Variants in GFM1 observed in about 807,000 individuals in gnomAD.
GFM1 encodes the protein elongation factor G, mitochondrial.
In GFM1, 62 loss-of-function variants were observed where a neutral mutation model predicts 96.2. The observed-to-expected ratio is 0.64, with a 90% CI of 0.53 to 0.80. The LOEUF is 0.80. GFM1 is among the 30% of genes least tolerant of loss of function. GFM1 has a pLI of 0.00. For synonymous variants in GFM1, 282 were observed against 312.9 expected, an observed-to-expected ratio of 0.90 and a Z score of 1.04; for missense variants, 852 against 916.6, an observed-to-expected ratio of 0.93 and a Z score of 0.91.
intron 13 of GFM1, among the ~76,000 whole-genome samples, chr3:158,667,887 G>A (rs1041242338): frequency 6.6e-6 from 1 of 152,124 alleles, no homozygotes; most frequent in Non-Finnish European, 1.5e-5. Context: ...TTTCTGTACT[G>A]TACAGTAGAG....
chr3:158,682,048 T>G lies in GFM1; in HGVS notation c.1655T>G (p.Val552Gly), dbSNP rs1198803944. ...QSGGAGQYGK[V>G]IGVLEPLDPE... ...GGTGGTGCAGGCCAGTATGGAAAAG[T>G]AATAGGTGTCCTGGAGCCTCTGGAC... Residue 552 changes from valine (V) to glycine (G), a missense_variant, in exon 14 of 18, where the codon GTA (valine) becomes GGA (glycine). Coordinates refer to ENST00000486715, the MANE Select transcript of GFM1 (RefSeq NM_024996.7). 34 of 1,613,704 alleles carry G rather than the reference T, an allele frequency of 2.1e-5. No individual in the cohort carries two copies. Among genetic ancestry groups the G allele is most frequent in the Non-Finnish European group, 2.6e-5 (31 of 1,179,754 alleles).
chr3:158,684,788 T>A, intron 15 of GFM1, 120 bp downstream of exon 15: 2 of 1,018,346 alleles, frequency 2.0e-6, no homozygotes, highest in Non-Finnish European at 3.0e-6. Flanking sequence ...GGGAATATTG[T>A]AGGTAGTGGG....
At position 158,692,944 on chromosome 3, in the gene GFM1, C is replaced by T. The variant is rs557401833; in HGVS notation, c.*1477C>T. Among the ~76,000 whole-genome samples the T allele has an allele frequency of 6.6e-6, 1 of 152,254 alleles. No individual in the cohort carries two copies. Among genetic ancestry groups the T allele is most frequent in the East Asian group, 1.9e-4 (1 of 5,176 alleles). ...CTGGGCTCAAGCTCTCTGCCTGCCC[C>T]AGCCTCCCAAAGTGCTGGGATTATG... On this transcript the variant is annotated 3_prime_UTR_variant, in exon 18 of 18. Coordinates refer to ENST00000486715, the MANE Select transcript of GFM1 (RefSeq NM_024996.7).
chr3:158,694,476 T>TGGGTA lies in GFM1; in HGVS notation c.*3010_*3014dup, dbSNP rs1339681029. On this transcript the variant is annotated 3_prime_UTR_variant, in exon 18 of 18. Coordinates refer to ENST00000486715, the MANE Select transcript of GFM1 (RefSeq NM_024996.7). ...GGAGAGGATCAGGAAAAATAACTAA[T>TGGGTA]GGGTACTAGGCTTAATACCTTGATG... Among the ~76,000 whole-genome samples the TGGGTA allele has an allele frequency of 2.0e-5, 3 of 152,142 alleles. No homozygotes were observed. Among genetic ancestry groups the TGGGTA allele is most frequent in the Non-Finnish European group, 2.9e-5 (2 of 68,032 alleles).
At chr3:158,659,296 C>T (rs1723008344) in intron 9 of GFM1, among the ~76,000 whole-genome samples, 1 of 151,750 alleles carries the variant, frequency 6.6e-6, no homozygotes, top group Non-Finnish European at 1.5e-5. Flanking sequence ...TCTCAAGGGC[C>T]AAGGTTAAGG....
At position 158,684,471 on chromosome 3, in the gene GFM1, G is replaced by T. The variant is rs780409650; in HGVS notation, c.1765-53G>T. 114 of 1,588,550 alleles carry T rather than the reference G, an allele frequency of 7.2e-5. 1 individual carries two copies. Among genetic ancestry groups the T allele is most frequent in the Non-Finnish European group, 9.8e-5 (113 of 1,157,018 alleles). On this transcript the variant is annotated intron_variant, in intron 14 of 17. Transcript: ENST00000486715. The stretch of plus-strand genomic sequence containing the variant: ...CAAATATTTTGGGGTTCTTGATAAT[G>T]TATCTGCAAGTAAAATCCACTCACT...
In GFM1 at chr3:158,690,475, T is replaced by C; in HGVS notation, c.2070+152T>C. 4.2e-6 allele frequency: 3 copies of C among 715,308 alleles called. No homozygotes were observed. The South Asian group carries it at 4.8e-5, about 11-fold the overall frequency. The allele number at this position is 715,308 out of a possible 1,614,324, so 44.3% of individuals were successfully genotyped here. On this transcript the variant is annotated intron_variant, in intron 16 of 17. Coordinates refer to ENST00000486715, the MANE Select transcript of GFM1 (RefSeq NM_024996.7). ...CTGTAATTTGCTATTAAAGCAACTC[T>C]TAAGTGCAGAAGTTAAAAATAAGAT...
At chr3:158,644,830 T>C (rs1721618957) in intron 1 of GFM1, 115 bp downstream of exon 1, 1 of 855,422 alleles carries the variant, frequency 1.2e-6, no homozygotes, top group South Asian at 1.4e-5. Context: ...CTCCGAATAC[T>C]GGCAGTCGCT....
intron 13 of GFM1, 141 bp downstream of exon 13, chr3:158,666,527 A>T: frequency 8.6e-7 from 1 of 1,166,922 alleles, no homozygotes; most frequent in South Asian, 1.3e-5. Flanking sequence ...TCTATACTGT[A>T]ATCAAGACAT....
At chr3:158,660,641 TTAAAG>T (rs1723127748) in intron 9 of GFM1, 6 of 528,976 alleles carry the variant, frequency 1.1e-5, no homozygotes, top group South Asian at 6.3e-5. Flanking sequence ...AGTTTTCTGT[TTAAAG>T]TAAAATCTTG....
chr3:158,689,536 A>G (rs1269479931), intron 15 of GFM1, among the ~76,000 whole-genome samples: 1 of 152,132 alleles, frequency 6.6e-6, no homozygotes, highest in Non-Finnish European at 1.5e-5. Context: ...TATAATTAAA[A>G]ATAACTGCCT....
Position 158,662,655 on chromosome 3 carries a change from A to G in GFM1, c.1351A>G (p.Ile451Val), listed in dbSNP as rs780301536. The change falls in exon 11 of 18, where the codon ATT becomes GTT. Residue 451 changes from isoleucine (I) to valine (V), a missense_variant. Ile to Val is a conservative substitution (Grantham distance 29). Transcript: ENST00000486715. ...GTCAATTCATGTTCCTGATCCTGTC[A>G]TTTCAATAGCAATGAAGCCTTCTAA... ...MESIHVPDPV[I>V]SIAMKPSNKN... 1 of 1,599,736 alleles carries G rather than the reference A, an allele frequency of 6.3e-7. No individual in the cohort carries two copies. The highest frequency in any genetic ancestry group is 8.6e-7 in the Non-Finnish European group (1 of 1,167,512).
chr3:158,691,444 A>G lies in GFM1; in HGVS notation c.2233A>G (p.Lys745Glu). The G allele has an allele frequency of 1.9e-6, 3 of 1,613,500 alleles. No individual in the cohort carries two copies. Among genetic ancestry groups the G allele is most frequent in the African/African-American group, 1.3e-5 (1 of 75,036 alleles). ...YLEATGQLPVKKGKAKN is the reference protein window; with the variant it reads ...YLEATGQLPVEKGKAKN ...GGAAGCTACAGGTCAACTTCCTGTTAAAAAAGGAAAAGCCAAGAACTAACT... is the reference window on the plus strand; with the variant it reads ...GGAAGCTACAGGTCAACTTCCTGTTGAAAAAGGAAAAGCCAAGAACTAACT... The change falls in exon 18 of 18, where the codon AAA becomes GAA. Residue 745 changes from lysine (K) to glutamate (E), a missense_variant. Lys to Glu is a moderately conservative substitution (Grantham distance 56, BLOSUM62 1). Coordinates refer to ENST00000486715, the MANE Select transcript of GFM1 (RefSeq NM_024996.7).
rs1721795476 is a variant in GFM1 at position 158,646,280 on chromosome 3, A to G, written c.350A>G (p.Asn117Ser). 6.2e-7 allele frequency: 1 copy of G among 1,614,150 alleles called. No individual in the cohort carries two copies. Among genetic ancestry groups the G allele is most frequent in the Non-Finnish European group, 8.5e-7 (1 of 1,179,984 alleles). The change falls in exon 3 of 18, where the codon AAC (asparagine) becomes AGC (serine). Residue 117 changes from asparagine to serine, a missense_variant. Physicochemically the swap from Asn to Ser is conservative, Grantham distance 46. Transcript: ENST00000486715. ...TYTMWKDVNI[N>S]IIDTPGHVDF... ...ACCATGTGGAAAGATGTCAATATTA[A>G]CATTATAGATACTCCTGGTGAGTTG...
At chr3:158,671,121 A>G in intron 13 of GFM1, 5 of 1,306,228 alleles carry the variant, frequency 3.8e-6, no homozygotes, top group Non-Finnish European at 4.0e-6. Context: ...GGCTGGCTGA[A>G]GGGGAATGGT....
At chr3:158,682,465 G>A in intron 14 of GFM1, 1 of 313,086 alleles carries the variant, frequency 3.2e-6, no homozygotes, top group South Asian at 3.5e-5. Context: ...GGATTTATAA[G>A]AGTTTTATGT....
intron 2 of GFM1, 21 bp downstream of exon 2, chr3:158,645,802 C>T (rs781453457): frequency 6.3e-7 from 1 of 1,590,468 alleles, no homozygotes; most frequent in Non-Finnish European, 8.6e-7. Flanking sequence ...ACGGTTGATT[C>T]CGGATTAATT....
At chr3:158,665,613 A>G (rs1167693529) in intron 12 of GFM1, 139 bp downstream of exon 12, 3 of 731,700 alleles carry the variant, frequency 4.1e-6, no homozygotes, top group Non-Finnish European at 7.3e-6. Flanking sequence ...GATGTGGTCT[A>G]CTGCTTCCTC....
At chr3:158,690,116 T>C in intron 15 of GFM1, 47 bp from the exon 16 acceptor site, 1 of 1,495,912 alleles carries the variant, frequency 6.7e-7, no homozygotes, top group Non-Finnish European at 9.3e-7. Context: ...ACAGAAGAGT[T>C]GTAGTTTGTA....
Sources: allele counts gnomAD v4.1 joint callset (sites outside exome capture counted in the v4.1 genomes callset), GRCh38; gene constraint gnomAD v4.1.1; transcripts MANE v1.5; gene names NCBI Gene and HGNC (gene_info 2026-07-23, HGNC 2026-07-21).